SLC9A9: variants seen among roughly 807,000 people sequenced by gnomAD.
The protein encoded by SLC9A9 is sodium/hydrogen exchanger 9.
A neutral mutation model predicts 77.8 loss-of-function variants in SLC9A9; 62 were observed. The ratio of observed to expected loss-of-function variants is 0.80; its 90% CI spans 0.65 to 0.98. The LOEUF is 0.98. SLC9A9 is among the 50% of genes least tolerant of loss of function. The pLI, the probability that SLC9A9 is intolerant of heterozygous loss-of-function variation, is 0.00. For synonymous variants in SLC9A9, 320 were observed against 283.5 expected (o/e 1.13, Z -1.29); for missense variants, 775 against 774.9 (o/e 1.00, Z 0.00).
chr3:143,733,556 G>A (rs372649751), intron 4 of SLC9A9, among the ~76,000 whole-genome samples: 2 of 152,184 alleles, frequency 1.3e-5, no homozygotes, highest in South Asian at 2.1e-4. Flanking sequence ...GCCTACCTTG[G>A]GAGAAGTAGA....
intron 13 of SLC9A9, chr3:143,381,363 T>A (rs1431674148): frequency 6.5e-6 from 1 of 152,876 alleles, no homozygotes; most frequent in Non-Finnish European, 1.5e-5. Flanking sequence ...GCTCTCTCTT[T>A]GACTGCCACC....
chr3:143,817,428 G>A (rs573491875), intron 2 of SLC9A9, among the ~76,000 whole-genome samples: 5 of 152,138 alleles, frequency 3.3e-5, no homozygotes, highest in South Asian at 4.2e-4. Flanking sequence ...GATTACAGGC[G>A]TGAGCCACCG....
chr3:143,579,930 T>C (rs973071725), intron 6 of SLC9A9, among the ~76,000 whole-genome samples: 1 of 152,172 alleles, frequency 6.6e-6, no homozygotes, highest in Admixed American at 6.5e-5. Context: ...ATGGTCTTAG[T>C]TTTTTCCTGG....
At chr3:143,758,482 T>C (rs927083611) in intron 4 of SLC9A9, among the ~76,000 whole-genome samples, 2 of 152,160 alleles carry the variant, frequency 1.3e-5, no homozygotes, top group Non-Finnish European at 2.9e-5. Context: ...GATGGGGCAG[T>C]GGCCCTCACA....
intron 6 of SLC9A9, among the ~76,000 whole-genome samples, chr3:143,638,715 G>A (rs1315131429): frequency 2.6e-5 from 4 of 152,216 alleles, no homozygotes; most frequent in Non-Finnish European, 2.9e-5. Flanking sequence ...TAGCTGGCAA[G>A]GGTGTCAGGC....
chr3:143,561,326 T>G (rs568667609), intron 8 of SLC9A9, among the ~76,000 whole-genome samples: 2 of 152,090 alleles, frequency 1.3e-5, no homozygotes, highest in African/African-American at 4.8e-5. Flanking sequence ...TAGTGGAAAA[T>G]TGATAGTCTT....
intron 12 of SLC9A9, among the ~76,000 whole-genome samples, chr3:143,395,230 G>A (rs1415656619): frequency 6.6e-6 from 1 of 152,158 alleles, no homozygotes; most frequent in Non-Finnish European, 1.5e-5. Context: ...AAAACAGCAT[G>A]GTACTGGTAC....
At chr3:143,736,090 T>C (rs930442111) in intron 4 of SLC9A9, among the ~76,000 whole-genome samples, 10 of 152,226 alleles carry the variant, frequency 6.6e-5, no homozygotes, top group Admixed American at 6.5e-4. Context: ...TTGTGTTCTT[T>C]TTTTGGAACC....
At position 143,417,314 on chromosome 3, in the gene SLC9A9, C is replaced by G. The variant is rs921228333; in HGVS notation, c.1470-35200G>C. Among the ~76,000 whole-genome samples, 6 of 151,962 alleles carry G rather than the reference C, an allele frequency of 3.9e-5. No individual in the cohort carries two copies. In the East Asian group the frequency reaches 1.2e-3, roughly 29 times the overall value. ...TACTATGGACTGAAATTTGCCTTCC[C>G]CCCAAAGTTTACATGTTGAATTCCC... On this transcript the variant is annotated intron_variant, in intron 12 of 15. Transcript: ENST00000316549.
At position 143,278,652 on chromosome 3, in the gene SLC9A9, CA is replaced by C. The variant is rs759413636; in HGVS notation, c.1605-9673del. On this transcript the variant is annotated intron_variant, in intron 14 of 15. Transcript: ENST00000316549. ...CTTGACATGATCACCTTCTTACAAGCAAACCAGTGATGTCAGCTTAGGGGCC... is the reference window on the plus strand; with the variant it reads ...CTTGACATGATCACCTTCTTACAAGCAACCAGTGATGTCAGCTTAGGGGCC... Among the ~76,000 whole-genome samples, 6 of 152,078 alleles carry C rather than the reference CA, an allele frequency of 3.9e-5. No homozygotes were observed. The South Asian group carries it at 1.3e-3, about 32-fold the overall frequency.
chr3:143,469,883 G>T (rs986206838), intron 11 of SLC9A9, among the ~76,000 whole-genome samples: 1 of 152,130 alleles, frequency 6.6e-6, no homozygotes, highest in Admixed American at 6.5e-5. Flanking sequence ...TAATAAAAAA[G>T]TTCTTACACA....
intron 12 of SLC9A9, among the ~76,000 whole-genome samples, chr3:143,395,065 C>A (rs1188040181): frequency 6.6e-6 from 1 of 152,152 alleles, no homozygotes; most frequent in East Asian, 1.9e-4. Flanking sequence ...ATCAAGCTAC[C>A]AATGACTTTC....
At chr3:143,818,381 A>G (rs2009075581) in intron 2 of SLC9A9, among the ~76,000 whole-genome samples, 2 of 152,104 alleles carry the variant, frequency 1.3e-5, no homozygotes, top group Non-Finnish European at 2.9e-5. Flanking sequence ...ATCTCAGCTC[A>G]CTGCAGCCTC....
intron 7 of SLC9A9, among the ~76,000 whole-genome samples, chr3:143,575,728 ACAG>A (rs2037346633): frequency 6.6e-6 from 1 of 152,174 alleles, no homozygotes; most frequent in Non-Finnish European, 1.5e-5. Flanking sequence ...GAGTAACAAA[ACAG>A]CAATCAGCTA....
chr3:143,775,641 T>A (rs527486126), intron 4 of SLC9A9, among the ~76,000 whole-genome samples: 1 of 152,318 alleles, frequency 6.6e-6, no homozygotes, highest in African/African-American at 2.4e-5. Context: ...ATTGTTTCAT[T>A]CTGTTGATTT....
chr3:143,791,662 C>A (rs1029479814), intron 4 of SLC9A9, among the ~76,000 whole-genome samples: 2 of 152,216 alleles, frequency 1.3e-5, no homozygotes, highest in Admixed American at 1.3e-4. Context: ...GAAAATCTGA[C>A]TTCTTTATCC....
At chr3:143,845,962 C>G (rs972414131) in intron 1 of SLC9A9, among the ~76,000 whole-genome samples, 11 of 152,132 alleles carry the variant, frequency 7.2e-5, no homozygotes, top group African/African-American at 1.4e-4. Context: ...AAACTTTAAG[C>G]CTTTATCTGC....
chr3:143,411,470 C>T (rs975579778), intron 12 of SLC9A9, among the ~76,000 whole-genome samples: 10 of 152,262 alleles, frequency 6.6e-5, no homozygotes, highest in Non-Finnish European at 1.3e-4. Context: ...TATTTTTCCA[C>T]GATTTCTACT....
At chr3:143,648,665 C>CA (rs2038745041) in intron 6 of SLC9A9, among the ~76,000 whole-genome samples, 1 of 152,198 alleles carries the variant, frequency 6.6e-6, no homozygotes, top group African/African-American at 2.4e-5. Context: ...TACCTTTCTC[C>CA]AGTCTCAGCT....
Sources: allele counts gnomAD v4.1 joint callset (sites outside exome capture counted in the v4.1 genomes callset), GRCh38; gene constraint gnomAD v4.1.1; transcripts MANE v1.5; gene names NCBI Gene and HGNC (gene_info 2026-07-23, HGNC 2026-07-21).